Variants in SLC35F4 observed in about 807,000 individuals in gnomAD.
SLC35F4 encodes the protein solute carrier family 35 member F4, also known as chromosome 14 open reading frame 36.
SLC35F4 carries 24 observed loss-of-function variants against 44.2 expected under a neutral mutation model. The ratio of observed to expected loss-of-function variants is 0.54; its 90% CI spans 0.39 to 0.76. The LOEUF (loss-of-function observed/expected upper bound fraction) is 0.76. Among genes scored for constraint, SLC35F4 ranks in the 30% least tolerant of loss-of-function variants. The probability of loss-of-function intolerance (pLI) is 0.00; values close to 1 mark genes in which losing one functional copy is unlikely to be tolerated. For missense variants in SLC35F4, 562 were observed against 586.1 expected, an observed-to-expected ratio of 0.96 and a Z score of 0.42; for synonymous variants, 238 against 223.6, an observed-to-expected ratio of 1.06 and a Z score of -0.57.
chr14:57,875,737 T>TTGG (rs1414589155), intron 1 of SLC35F4, among the ~76,000 whole-genome samples: 1 of 152,208 alleles, frequency 6.6e-6, no homozygotes, highest in Admixed American at 6.5e-5. Context: ...TCATATTCTA[T>TTGG]TGGCCAAAGT....
intron 1 of SLC35F4, among the ~76,000 whole-genome samples, chr14:57,622,412 A>AC (rs967516331): frequency 4.7e-5 from 7 of 149,182 alleles, no homozygotes; most frequent in Non-Finnish European, 1.0e-4. Context: ...AGACTTGGAA[A>AC]CCAACCCAAA....
intron 1 of SLC35F4, among the ~76,000 whole-genome samples, chr14:57,950,400 T>C (rs1890113885): frequency 6.6e-6 from 1 of 152,064 alleles, no homozygotes; most frequent in South Asian, 2.1e-4. Flanking sequence ...ATTTATGATA[T>C]CTATTTCTCT....
chr14:57,576,606 T>C (rs1470573395), intron 4 of SLC35F4, among the ~76,000 whole-genome samples: 1 of 152,134 alleles, frequency 6.6e-6, no homozygotes, highest in Admixed American at 6.5e-5. Context: ...TTACTCAGAT[T>C]CAATTAAACT....
chr14:57,843,927 C>T (rs749513760), intron 1 of SLC35F4, among the ~76,000 whole-genome samples: 22 of 152,052 alleles, frequency 1.4e-4, no homozygotes, highest in Non-Finnish European at 2.8e-4. Context: ...GAGTCATCTG[C>T]GGAGCTTTTT....
chr14:57,673,258 G>A (rs773406213), intron 1 of SLC35F4, among the ~76,000 whole-genome samples: 5 of 152,206 alleles, frequency 3.3e-5, no homozygotes, highest in East Asian at 1.9e-4. Flanking sequence ...CCATAGTGAC[G>A]GTACTGATGT....
At chr14:57,602,928 C>T (rs2070915167) in intron 1 of SLC35F4, among the ~76,000 whole-genome samples, 1 of 152,160 alleles carries the variant, frequency 6.6e-6, no homozygotes, top group South Asian at 2.1e-4. Flanking sequence ...AACTATGGCT[C>T]CAAACACACC....
At chr14:57,682,193 C>G (rs192196591) in intron 1 of SLC35F4, among the ~76,000 whole-genome samples, 3 of 152,274 alleles carry the variant, frequency 2.0e-5, no homozygotes, top group East Asian at 3.9e-4. Context: ...GACACATGAA[C>G]ACGTATGTTT....
chr14:57,678,914 C>A (rs2074795366), intron 1 of SLC35F4, among the ~76,000 whole-genome samples: 1 of 152,146 alleles, frequency 6.6e-6, no homozygotes. Flanking sequence ...TAGACTCCCA[C>A]ACAGTAATAG....
In SLC35F4 at chr14:57,856,995, G is replaced by A. The variant is rs532528784; in HGVS notation, c.103+8728C>T. Among the ~76,000 whole-genome samples, 3 of 151,994 alleles carry A rather than the reference G, an allele frequency of 2.0e-5. No homozygotes were observed. In the South Asian group the frequency reaches 6.2e-4, roughly 32 times the overall value. On this transcript the variant is annotated intron_variant, in intron 1 of 7. Transcript: ENST00000556826. ...TTTTTTAAAAATTGCCTTTTCCTTGGCCGGGCACGGTGGCTCACGCCTGTA... is the reference window on the plus strand; with the variant it reads ...TTTTTTAAAAATTGCCTTTTCCTTGACCGGGCACGGTGGCTCACGCCTGTA...
At chr14:57,726,526 G>A (rs776132343) in intron 1 of SLC35F4, among the ~76,000 whole-genome samples, 17 of 152,080 alleles carry the variant, frequency 1.1e-4, no homozygotes, top group Non-Finnish European at 2.1e-4. Flanking sequence ...ATCACATGAC[G>A]TAAGATTTAT....
At chr14:57,810,400 T>C (rs964306883) in intron 1 of SLC35F4, among the ~76,000 whole-genome samples, 3 of 152,270 alleles carry the variant, frequency 2.0e-5, no homozygotes, top group Non-Finnish European at 4.4e-5. Context: ...CTATTGCGTG[T>C]ATCCCTGTGG....
chr14:57,854,514 C>A (rs1156732145), intron 1 of SLC35F4, among the ~76,000 whole-genome samples: 1 of 152,122 alleles, frequency 6.6e-6, no homozygotes, highest in Non-Finnish European at 1.5e-5. Flanking sequence ...TGGACATTCC[C>A]GAATTAACCC....
chr14:57,836,379 G>C (rs901323744), intron 1 of SLC35F4, among the ~76,000 whole-genome samples: 1 of 152,056 alleles, frequency 6.6e-6, no homozygotes, highest in Non-Finnish European at 1.5e-5. Flanking sequence ...TGCAACCTCC[G>C]ACTCCCTGGT....
chr14:57,589,134 C>G lies in SLC35F4; in HGVS notation c.587+82G>C, dbSNP rs144378398. 411 of 1,457,964 alleles carry G rather than the reference C, an allele frequency of 2.8e-4. 3 individuals carry two copies. In the African/African-American group the frequency reaches 4.3e-3, roughly 15 times the overall value. The allele number at this position is 1,457,964 out of a possible 1,614,324, so 90.3% of individuals were successfully genotyped here. On this transcript the variant is annotated intron_variant, in intron 3 of 7. Transcript: ENST00000556826. ...TTCACATACCCCAAAAAACTCAACT[C>G]ATATTCCCAAGAGATAAAAATAGGC... is the stretch of plus-strand genomic sequence containing the variant.
At chr14:57,790,611 T>C (rs759431079) in intron 1 of SLC35F4, among the ~76,000 whole-genome samples, 2 of 152,168 alleles carry the variant, frequency 1.3e-5, no homozygotes, top group African/African-American at 4.8e-5. Flanking sequence ...CCATTGACTT[T>C]CTTCACAGAA....
chr14:57,836,452 C>T (rs1354101767), intron 1 of SLC35F4, among the ~76,000 whole-genome samples: 3 of 152,028 alleles, frequency 2.0e-5, no homozygotes, highest in Admixed American at 6.6e-5. Flanking sequence ...GCCATCACAT[C>T]CAGCTAATTT....
At chr14:57,630,467 GAA>G in intron 1 of SLC35F4, 1 of 849,968 alleles carries the variant, frequency 1.2e-6, no homozygotes, top group Non-Finnish European at 2.0e-6. Flanking sequence ...GCCCAAGAGA[GAA>G]ATGAAGGCTG....
At chr14:57,592,804 AT>A (rs1293531462) in intron 2 of SLC35F4, among the ~76,000 whole-genome samples, 2 of 151,788 alleles carry the variant, frequency 1.3e-5, no homozygotes, top group African/African-American at 2.4e-5. Context: ...CTGAATTGTC[AT>A]TTTTTTAAGG....
chr14:57,719,794 AC>A (rs1322522544), intron 1 of SLC35F4, among the ~76,000 whole-genome samples: 2 of 151,940 alleles, frequency 1.3e-5, no homozygotes, highest in Non-Finnish European at 2.9e-5. Context: ...CAATTTGGAT[AC>A]CCTTTATTTT....
Sources: allele counts gnomAD v4.1 joint callset (sites outside exome capture counted in the v4.1 genomes callset), GRCh38; gene constraint gnomAD v4.1.1; transcripts MANE v1.5; gene names NCBI Gene and HGNC (gene_info 2026-07-23, HGNC 2026-07-21).